Variants in FANCI observed in about 807,000 individuals in gnomAD.
FANCI encodes the protein Fanconi anemia group I protein.
A neutral mutation model predicts 176.1 loss-of-function variants in FANCI; 156 were observed. That is an observed-to-expected ratio of 0.89 (90% CI 0.78 to 1.01). FANCI has a LOEUF of 1.01. FANCI is among the 50% of genes least tolerant of loss of function. The probability of loss-of-function intolerance (pLI) is 0.00; values close to 1 mark genes in which losing one functional copy is unlikely to be tolerated. For synonymous variants in FANCI, 613 were observed against 541.7 expected (o/e 1.13, Z -1.83); for missense variants, 1,678 against 1,534.1 (o/e 1.09, Z -1.57).
intron 32 of FANCI, 126 bp downstream of exon 32, chr15:89,306,320 C>CCA (rs2054716402): frequency 4.2e-6 from 4 of 960,108 alleles, no homozygotes; most frequent in Non-Finnish European, 6.5e-6. Context: ...TCCATCTTGG[C>CCA]AGGTCATGGT....
chr15:89,271,838 G>C (rs1276368229), intron 10 of FANCI, among the ~76,000 whole-genome samples: 3 of 152,202 alleles, frequency 2.0e-5, no homozygotes, highest in Middle Eastern at 3.4e-3. Context: ...TATGAGTTTT[G>C]TTTAGCAGTC....
At position 89,317,079 on chromosome 15, in the gene FANCI, T is replaced by A; in HGVS notation, c.*620T>A. 1 of 590,672 alleles carries A rather than the reference T, an allele frequency of 1.7e-6. No homozygotes were observed. The highest frequency in any genetic ancestry group is 3.0e-6 in the Non-Finnish European group (1 of 334,466). The allele number at this position is 590,672 out of a possible 1,614,324, so 36.6% of individuals were successfully genotyped here. A position where few individuals can be genotyped will look rare whatever the true frequency, so the allele number is the denominator to read the frequency against. ...ATTTAAAGCACAGTTTGTTTTTCTG[T>A]CACCTATAGAGTGCAAGAATGCACT... On this transcript the variant is annotated 3_prime_UTR_variant, in exon 38 of 38. Coordinates refer to ENST00000310775, the MANE Select transcript of FANCI (RefSeq NM_001113378.2).
chr15:89,295,050 C>A lies in FANCI; in HGVS notation c.2592C>A (p.Gly864=), dbSNP rs2054201642. 6.4e-7 allele frequency: 1 copy of A among 1,551,882 alleles called. No individual in the cohort carries two copies. The highest frequency in any genetic ancestry group is 8.7e-7 in the Non-Finnish European group (1 of 1,147,084). ...KETGHVSGPD[G]QNPEKIFQNL... is the part of the protein sequence containing the mutation. ...CAGGGCATGTGAGTGGCCCTGATGG[C>A]CAAAACCCAGAAAAGATCTTTCAGA... Residue 864 remains glycine, a synonymous_variant, in exon 24 of 38, where the codon GGC becomes GGA. Transcript: ENST00000310775.
intron 34 of FANCI, among the ~76,000 whole-genome samples, chr15:89,311,729 T>A (rs2054971292): frequency 6.6e-6 from 1 of 152,190 alleles, no homozygotes; most frequent in Non-Finnish European, 1.5e-5. Flanking sequence ...GTGGAACAAG[T>A]CTCCTGTTTC....
intron 16 of FANCI, chr15:89,282,828 T>A (rs1209651050): frequency 2.7e-6 from 1 of 373,758 alleles, no homozygotes; most frequent in Non-Finnish European, 5.1e-6. Flanking sequence ...ATTTCTTACA[T>A]TTGAGTAACC....
At chr15:89,254,920 C>A (rs1351021796) in intron 2 of FANCI, among the ~76,000 whole-genome samples, 2 of 152,104 alleles carry the variant, frequency 1.3e-5, no homozygotes, top group Non-Finnish European at 2.9e-5. Flanking sequence ...AAAGATTGAA[C>A]CAGACAAGAA....
At chr15:89,291,791 C>T in intron 20 of FANCI, 77 bp downstream of exon 20, 1 of 1,090,260 alleles carries the variant, frequency 9.2e-7, no homozygotes, top group Non-Finnish European at 1.4e-6. Flanking sequence ...AGATACCTTT[C>T]CCTGTGAAAC....
At chr15:89,311,526 T>A (rs1337857793) in intron 34 of FANCI, among the ~76,000 whole-genome samples, 2 of 152,210 alleles carry the variant, frequency 1.3e-5, no homozygotes, top group East Asian at 3.9e-4. Context: ...GGGCCCCATC[T>A]TGGACACAAC....
In FANCI at chr15:89,269,702, A is replaced by C. The variant is rs370707493; in HGVS notation, c.882+1177A>C. ...TACTCAGCTTTACGGTTCCAGCAAG[A>C]AGGCAGCCATAGACAAAATGTACTA... On this transcript the variant is annotated intron_variant, in intron 10 of 37. Coordinates refer to ENST00000310775, the MANE Select transcript of FANCI (RefSeq NM_001113378.2). Among the ~76,000 whole-genome samples the C allele has an allele frequency of 1.1e-4, 16 of 152,354 alleles. No individual in the cohort carries two copies. In the East Asian group the frequency reaches 3.1e-3, roughly 29 times the overall value.
In FANCI at chr15:89,307,535, T is replaced by C; in HGVS notation, c.3591+6T>C. The C allele has an allele frequency of 6.2e-7, 1 of 1,614,058 alleles. No homozygotes were observed. Among genetic ancestry groups the C allele is most frequent in the Non-Finnish European group, 8.5e-7 (1 of 1,179,980 alleles). On this transcript the variant is annotated splice_donor_region_variant and intron_variant, in intron 33 of 37. Coordinates refer to ENST00000310775, the MANE Select transcript of FANCI (RefSeq NM_001113378.2). ...CAAAAAATATGGAAAAGCTGGTGAG[T>C]TGAGAATGCCTTTCCTAGGAATGGG...
intron 3 of FANCI, among the ~76,000 whole-genome samples, chr15:89,260,252 G>A (rs550072071): frequency 6.6e-6 from 1 of 152,040 alleles, no homozygotes; most frequent in South Asian, 2.1e-4. Flanking sequence ...GACTGCAAAT[G>A]AATTATACAA....
chr15:89,259,315 T>C (rs1385455475), intron 3 of FANCI: 3 of 157,496 alleles, frequency 1.9e-5, no homozygotes, highest in African/African-American at 7.2e-5. Flanking sequence ...TTTGGACTCT[T>C]AATTAGGTAT....
At chr15:89,258,560 C>T in intron 2 of FANCI, 144 bp from the exon 3 acceptor site, 3 of 735,738 alleles carry the variant, frequency 4.1e-6, no homozygotes, top group East Asian at 5.0e-5. Context: ...ATACCCTCCT[C>T]TGTCTAAAAA....
intron 23 of FANCI, 96 bp from the exon 24 acceptor site, chr15:89,294,819 C>A: frequency 7.5e-7 from 1 of 1,328,866 alleles, no homozygotes; most frequent in Non-Finnish European, 1.0e-6. Flanking sequence ...CTGTTGGGTG[C>A]TGCTGTTCTG....
chr15:89,274,281 G>T lies in FANCI; in HGVS notation c.1089G>T (p.Met363Ile). The change falls in exon 12 of 38, where the codon ATG becomes ATT. Residue 363 changes from methionine to isoleucine, a missense_variant. By Grantham distance (10) the Met-to-Ile change is conservative. Coordinates refer to ENST00000310775, the MANE Select transcript of FANCI (RefSeq NM_001113378.2). ...CTCATAGATCTTATGTTTCAACCAT[G>T]ATCTTGGAAGTAGTGAAGAATAGGT... ...LVPHRSYVST[M>I]ILEVVKNSVH... The T allele has an allele frequency of 6.2e-7, 1 of 1,613,586 alleles. No homozygotes were observed. The highest frequency in any genetic ancestry group is 1.1e-5 in the South Asian group (1 of 91,038).
intron 35 of FANCI, 116 bp from the exon 36 acceptor site, chr15:89,314,496 T>C: frequency 5.2e-6 from 4 of 769,086 alleles, no homozygotes; most frequent in South Asian, 4.5e-5. Flanking sequence ...CTGCATTTGA[T>C]TGGGAGACAG....
intron 14 of FANCI, among the ~76,000 whole-genome samples, chr15:89,280,384 A>G (rs1032675274): frequency 8.5e-5 from 13 of 152,136 alleles, no homozygotes; most frequent in African/African-American, 3.1e-4. Flanking sequence ...CTACCTTTCC[A>G]TTGTTAAAGT....
At position 89,295,227 on chromosome 15, in the gene FANCI, C is replaced by T; in HGVS notation, c.2636+133C>T. ...GGAGTGAAAGAATATAAAACATTAG[C>T]CAGGTGGCAGGCACTTGTAATCCCA... is the stretch of plus-strand genomic sequence containing the variant. On this transcript the variant is annotated intron_variant, in intron 24 of 37. Coordinates refer to ENST00000310775, the MANE Select transcript of FANCI (RefSeq NM_001113378.2). The T allele has an allele frequency of 2.8e-6, 3 of 1,065,040 alleles. No homozygotes were observed. In the Admixed American group the frequency reaches 8.7e-5, roughly 31 times the overall value. The allele number at this position is 1,065,040 out of a possible 1,614,324, so 66.0% of individuals were successfully genotyped here.
At position 89,258,710 on chromosome 15, in the gene FANCI, A is replaced by G. The variant is rs2151219666; in HGVS notation, c.91A>G (p.Asn31Asp). ...LQTLREGDLT[N>D]LLQNQAVKGK... Reference sequence around the variant, plus strand: ...CCTTTTTCTTTCTTTGCAGTTGACTAATCTCCTTCAGAATCAAGCAGTGAA... The same window carrying G: ...CCTTTTTCTTTCTTTGCAGTTGACTGATCTCCTTCAGAATCAAGCAGTGAA... Residue 31 changes from asparagine (N) to aspartate (D), a missense_variant, in exon 3 of 38, where the codon AAT becomes GAT. By Grantham distance (23) the Asn-to-Asp change is conservative. This residue lies in a region of FANCI where 469 missense variants were observed against 436.9 expected (regional missense o/e 1.07). Coordinates refer to ENST00000310775, the MANE Select transcript of FANCI (RefSeq NM_001113378.2). 3 of 1,613,088 alleles carry G rather than the reference A, an allele frequency of 1.9e-6. No homozygotes were observed. Among genetic ancestry groups the G allele is most frequent in the African/African-American group, 2.7e-5 (2 of 75,028 alleles).
Sources: allele counts gnomAD v4.1 joint callset (sites outside exome capture counted in the v4.1 genomes callset), GRCh38; gene constraint gnomAD v4.1.1; regional missense constraint gnomAD v4.1.1; transcripts MANE v1.5; gene names NCBI Gene and HGNC (gene_info 2026-07-23, HGNC 2026-07-21).